The following GRIK1 variants were observed in gnomAD, a reference collection of about 807,000 sequenced individuals.
The protein encoded by GRIK1 is glutamate ionotropic receptor kainate type subunit 1.
A neutral mutation model predicts 105.7 loss-of-function variants in GRIK1; 69 were observed. That is an observed-to-expected ratio of 0.65 (90% CI 0.54 to 0.80). The LOEUF is 0.80. Ranked by LOEUF, GRIK1 falls within the 30% of genes least tolerant of loss-of-function variation. The pLI is 0.00. For synonymous variants in GRIK1, 438 were observed against 431.3 expected (o/e 1.02, Z -0.19); for missense variants, 1,109 against 1,167.3 (o/e 0.95, Z 0.73).
chr21:29,865,337 C>T (rs2068769098), intron 1 of GRIK1, among the ~76,000 whole-genome samples: 1 of 152,156 alleles, frequency 6.6e-6, no homozygotes, highest in Non-Finnish European at 1.5e-5. Context: ...TTTTCTGGGC[C>T]TCTATTCATT....
chr21:29,829,486 C>T (rs2067566575), intron 1 of GRIK1, among the ~76,000 whole-genome samples: 1 of 152,138 alleles, frequency 6.6e-6, no homozygotes, highest in South Asian at 2.1e-4. Flanking sequence ...CCTATGAGAA[C>T]CAAGCAAGAG....
intron 1 of GRIK1, among the ~76,000 whole-genome samples, chr21:29,774,270 A>T (rs575230630): frequency 6.6e-6 from 1 of 152,284 alleles, no homozygotes; most frequent in East Asian, 1.9e-4. Context: ...ATATGAATAC[A>T]ACTTCAACAT....
chr21:29,556,323 T>C (rs940526572), intron 15 of GRIK1, among the ~76,000 whole-genome samples: 2 of 152,168 alleles, frequency 1.3e-5, no homozygotes, highest in Non-Finnish European at 2.9e-5. Flanking sequence ...ACCCCTCTTT[T>C]TTCAAAGTGC....
intron 1 of GRIK1, among the ~76,000 whole-genome samples, chr21:29,875,001 GTT>G (rs72244599): frequency 3.5e-5 from 5 of 143,052 alleles, no homozygotes; most frequent in African/African-American, 1.3e-4. Flanking sequence ...TAGTTTCAGG[GTT>G]TTTTTTTTTT....
chr21:29,722,127 T>A (rs904803053), intron 1 of GRIK1, among the ~76,000 whole-genome samples: 1 of 152,132 alleles, frequency 6.6e-6, no homozygotes, highest in Admixed American at 6.5e-5. Context: ...CTTACCTCTG[T>A]CATAATAACA....
In GRIK1 at chr21:29,665,403, C is replaced by T. The variant is rs183308449; in HGVS notation, c.726+7580G>A. On this transcript the variant is annotated intron_variant, in intron 4 of 17. Coordinates refer to ENST00000327783, the MANE Select transcript of GRIK1 (RefSeq NM_001330994.2). ...AAACATAATTACGATGAGAATGTAC[C>T]GCCAAAGTAATTATATAACATACTA... 2.8e-4 allele frequency among the ~76,000 whole-genome samples: 42 copies of T among 152,106 alleles called. 1 individual carries two copies. The highest frequency in any genetic ancestry group is 4.4e-4 in the Non-Finnish European group (30 of 67,996).
chr21:29,898,054 C>A (rs1382989319), intron 1 of GRIK1, among the ~76,000 whole-genome samples: 2 of 152,188 alleles, frequency 1.3e-5, no homozygotes, highest in Non-Finnish European at 2.9e-5. Context: ...TCTTTAGCTT[C>A]TTCGCCTACT....
intron 3 of GRIK1, among the ~76,000 whole-genome samples, chr21:29,677,693 C>T (rs561519831): frequency 6.6e-6 from 1 of 152,254 alleles, no homozygotes; most frequent in Non-Finnish European, 1.5e-5. Flanking sequence ...ATGAAGTCTG[C>T]TCCATGCCTT....
chr21:29,821,578 G>A (rs1311185512), intron 1 of GRIK1, among the ~76,000 whole-genome samples: 1 of 151,998 alleles, frequency 6.6e-6, no homozygotes. Flanking sequence ...AGATATTAGT[G>A]TCACACCATG....
At chr21:29,804,066 T>TG (rs2066787246) in intron 1 of GRIK1, among the ~76,000 whole-genome samples, 1 of 152,176 alleles carries the variant, frequency 6.6e-6, no homozygotes, top group South Asian at 2.1e-4. Flanking sequence ...AAGCTCATAA[T>TG]GGCATTAGAT....
chr21:29,545,735 T>C (rs923619641), intron 16 of GRIK1, among the ~76,000 whole-genome samples: 1 of 152,136 alleles, frequency 6.6e-6, no homozygotes, highest in Non-Finnish European at 1.5e-5. Context: ...ACTACATGCA[T>C]AGTTTTCGGG....
intron 16 of GRIK1, among the ~76,000 whole-genome samples, chr21:29,549,630 C>T (rs2090097769): frequency 2.0e-5 from 3 of 151,884 alleles, no homozygotes; most frequent in Non-Finnish European, 4.4e-5. Flanking sequence ...CTGATTTACA[C>T]CAAAGTAGGA....
intron 1 of GRIK1, among the ~76,000 whole-genome samples, chr21:29,839,814 T>C (rs2067926152): frequency 6.6e-6 from 1 of 152,212 alleles, no homozygotes; most frequent in South Asian, 2.1e-4. Flanking sequence ...GAATAGTGGA[T>C]GAAATTGGGA....
At chr21:29,714,623 G>A (rs2211777) in intron 1 of GRIK1, among the ~76,000 whole-genome samples, 148,228 of 152,204 alleles carry the variant, frequency 0.97, 72,305 homozygotes, top group East Asian at 1. Context: ...GGGTAGTGCC[G>A]CCTGAATGCA....
chr21:29,876,765 A>T (rs2069206232), intron 1 of GRIK1, among the ~76,000 whole-genome samples: 1 of 152,146 alleles, frequency 6.6e-6, no homozygotes, highest in Admixed American at 6.6e-5. Flanking sequence ...AACATTTTGG[A>T]GAATTCTTAA....
intron 1 of GRIK1, among the ~76,000 whole-genome samples, chr21:29,906,248 T>C (rs1392534675): frequency 6.6e-6 from 1 of 152,220 alleles, no homozygotes; most frequent in African/African-American, 2.4e-5. Flanking sequence ...CCAGGCTTTG[T>C]TCTAATGAAA....
In GRIK1 at chr21:29,867,663, G is replaced by A. The variant is rs563992337; in HGVS notation, c.118+71720C>T. Among the ~76,000 whole-genome samples the A allele has an allele frequency of 2.9e-3, 434 of 152,004 alleles. 3 individuals carry two copies. Among genetic ancestry groups the A allele is most frequent in the African/African-American group, 9.5e-3 (393 of 41,464 alleles). On this transcript the variant is annotated intron_variant, in intron 1 of 17. Coordinates refer to ENST00000327783, the MANE Select transcript of GRIK1 (RefSeq NM_001330994.2). ...TACAGAATTAGCCAGGCATGGTGGC[G>A]CATGCCTATAATCCCAGGTACTTGG...
intron 4 of GRIK1, among the ~76,000 whole-genome samples, chr21:29,671,344 C>T (rs10427509): frequency 0.018 from 2,738 of 151,806 alleles, 37 homozygotes; most frequent in Middle Eastern, 0.037. Flanking sequence ...AGGCTGGTCT[C>T]GAACTCCTGA....
chr21:29,630,465 G>A, intron 7 of GRIK1: 1 of 470,400 alleles, frequency 2.1e-6, no homozygotes. Context: ...GCAGGGGAGG[G>A]CTGACCTAAT....
Sources: gnomAD v4.1 joint callset for allele counts (sites outside exome capture counted in the v4.1 genomes callset) on GRCh38, gnomAD v4.1.1 for gene constraint, MANE v1.5 for transcripts, NCBI Gene and HGNC (gene_info 2026-07-23, HGNC 2026-07-21) for gene names.